The following HEXB variants were observed in gnomAD, a reference collection of about 807,000 sequenced individuals.
HEXB encodes the protein hexosaminidase subunit beta, also known as beta-hexosaminidase subunit beta.
HEXB carries 51 observed loss-of-function variants against 71.2 expected under a neutral mutation model. The ratio of observed to expected loss-of-function variants is 0.72; its 90% confidence interval spans 0.57 to 0.90. The LOEUF is 0.90. HEXB is among the 40% of genes least tolerant of loss of function. The pLI is 0.00. For synonymous variants in HEXB, 266 were observed against 249.3 expected, an observed-to-expected ratio of 1.07 and a Z score of -0.63; for missense variants, 617 against 677.0, an observed-to-expected ratio of 0.91 and a Z score of 0.98.
Position 74,687,855 on chromosome 5 carries a change from A to G in HEXB, c.300-1473A>G, listed in dbSNP as rs535667446. 3.3e-5 allele frequency among the ~76,000 whole-genome samples: 5 copies of G among 152,284 alleles called. No homozygotes were observed. The South Asian group carries it at 6.2e-4, about 19-fold the overall frequency. Reference sequence around the variant, plus strand: ...TTCTCTCATTGGTTAACTTCCATACACTTCCAAACATGTCAGAATTTTCCG... The same window carrying G: ...TTCTCTCATTGGTTAACTTCCATACGCTTCCAAACATGTCAGAATTTTCCG... On this transcript the variant is annotated intron_variant, in intron 1 of 13. Coordinates refer to ENST00000261416, the MANE Select transcript of HEXB (RefSeq NM_000521.4).
Position 74,664,430 on chromosome 5 carries a change from T to TAA in HEXB, c.-377+23894_-377+23895dup, listed in dbSNP as rs397998152. 1.8e-3 allele frequency among the ~76,000 whole-genome samples: 145 copies of TAA among 79,494 alleles called. 2 individuals carry two copies. The highest frequency in any genetic ancestry group is 4.0e-3 in the African/African-American group (86 of 21,474). The allele number at this position is 79,494 out of a possible 152,430, so 52.2% of individuals were successfully genotyped here. On this transcript the variant is annotated intron_variant, in intron 1 of 13. Coordinates refer to the HEXB transcript ENST00000511181. ...GGGCAATAGAGCAAGATTCTATCTC[T>TAA]AAAAAAAAAAAAAAAAAAAAAAACA...
Position 74,661,551 on chromosome 5 carries a change from G to A in HEXB, c.-377+20993G>A, listed in dbSNP as rs373842021. Among the ~76,000 whole-genome samples, 15 of 63,634 alleles carry A rather than the reference G, an allele frequency of 2.4e-4. No individual in the cohort carries two copies. In the East Asian group the frequency reaches 2.8e-3, roughly 12 times the overall value. 41.7% of individuals were successfully genotyped at this position (63,634 alleles called of 152,430 possible). On this transcript the variant is annotated intron_variant, in intron 1 of 13. Transcript: ENST00000511181. Reference sequence around the variant, plus strand: ...TGTGTGTGTGTGTGTGTGTGTGTGTGTGTGTGTGTGTGTCTCTCTCTCTCT... The same window carrying A: ...TGTGTGTGTGTGTGTGTGTGTGTGTATGTGTGTGTGTGTCTCTCTCTCTCT...
At chr5:74,660,536 C>A (rs1488121393) in intron 1 of HEXB, among the ~76,000 whole-genome samples, 1 of 152,170 alleles carries the variant, frequency 6.6e-6, no homozygotes, top group Non-Finnish European at 1.5e-5. Context: ...GTCACAGGGA[C>A]ACCAGCCATA....
At chr5:74,701,381 A>G (rs1580386325) in intron 5 of HEXB, among the ~76,000 whole-genome samples, 1 of 152,194 alleles carries the variant, frequency 6.6e-6, no homozygotes, top group African/African-American at 2.4e-5. Context: ...TATCAAACCT[A>G]TTAGGTATTT....
chr5:74,719,897 C>T (rs192539718), intron 11 of HEXB: 248 of 157,082 alleles, frequency 1.6e-3, no homozygotes, highest in African/African-American at 5.5e-3. Context: ...GCCAAGATCG[C>T]GCCACTGCAC....
In HEXB at chr5:74,689,354, A is replaced by G. The variant is rs1192720761; in HGVS notation, c.326A>G (p.Tyr109Cys). ...RRYHGYIFGF[Y>C]KWHHEPAEFQ... ...TATCATGGCTATATTTTTGGTTTCT[A>G]CAAGTGGCATCATGAACCTGCTGAA... Residue 109 changes from tyrosine (Y) to cysteine (C), a missense_variant, in exon 2 of 14, where the codon TAC becomes TGC. Physicochemically the swap from Tyr to Cys is radical, Grantham distance 194. Transcript: ENST00000261416. The G allele has an allele frequency of 7.4e-6, 12 of 1,613,248 alleles. No homozygotes were observed. The highest frequency in any genetic ancestry group is 1.0e-5 in the Non-Finnish European group (12 of 1,179,282).
intron 5 of HEXB, among the ~76,000 whole-genome samples, chr5:74,697,524 G>A (rs1003928227): frequency 1.3e-5 from 2 of 151,948 alleles, no homozygotes; most frequent in African/African-American, 4.8e-5. Context: ...TCAGGAGTTC[G>A]AGACCAGCCT....
At chr5:74,665,375 G>A (rs941231334) in intron 1 of HEXB, among the ~76,000 whole-genome samples, 15 of 151,774 alleles carry the variant, frequency 9.9e-5, no homozygotes, top group African/African-American at 3.6e-4. Context: ...AATACATATG[G>A]ATATCTATAC....
At chr5:74,698,837 C>T (rs1350306780) in intron 5 of HEXB, among the ~76,000 whole-genome samples, 3 of 152,008 alleles carry the variant, frequency 2.0e-5, no homozygotes, top group East Asian at 1.9e-4. Flanking sequence ...ATTTCATTTG[C>T]CAAAGATTGA....
chr5:74,718,734 A>T, intron 10 of HEXB, 63 bp from the exon 11 acceptor site: 1 of 1,500,180 alleles, frequency 6.7e-7, no homozygotes, highest in Non-Finnish European at 9.3e-7. Context: ...AATGCCTTAA[A>T]CTTTCAATTT....
At chr5:74,720,806 T>A (rs1277299567) in intron 13 of HEXB, 59 bp downstream of exon 13, 7 of 1,336,044 alleles carry the variant, frequency 5.2e-6, no homozygotes, top group East Asian at 2.3e-5. Context: ...GTTAGTTTCT[T>A]TTGCTATAAA....
rs1561228985 is a variant in HEXB, at chr5:74,720,433, C to G, written c.1423C>G (p.Gln475Glu). Residue 475 changes from glutamine (Q) to glutamate (E), a missense_variant, in exon 12 of 14, where the codon CAG becomes GAG. Gln to Glu is a conservative substitution (Grantham distance 29, BLOSUM62 2). Transcript: ENST00000261416. ...KVEPLDFGGT[Q>E]KQKQLFIGGE... is the part of the protein sequence containing the mutation. ...ATTCAATGATTTTAATTTAGGTACT[C>G]AGAAACAGAAACAACTTTTCATTGG... 6.2e-7 allele frequency: 1 copy of G among 1,606,688 alleles called. No individual in the cohort carries two copies. Among genetic ancestry groups the G allele is most frequent in the Admixed American group, 1.7e-5 (1 of 60,008 alleles).
chr5:74,685,009 C>A, upstream of HEXB: 1 of 496,820 alleles, frequency 2.0e-6, no homozygotes, highest in Non-Finnish European at 3.5e-6. Flanking sequence ...TTAGCCATCC[C>A]GTGTTTGAGG....
At chr5:74,668,886 A>G (rs1023281797) in intron 1 of HEXB, among the ~76,000 whole-genome samples, 6 of 152,150 alleles carry the variant, frequency 3.9e-5, no homozygotes, top group Non-Finnish European at 7.4e-5. Flanking sequence ...AAACAATTGC[A>G]TTTCCTTATT....
intron 11 of HEXB, 69 bp from the exon 12 acceptor site, chr5:74,720,359 T>G: frequency 1.7e-6 from 2 of 1,165,426 alleles, no homozygotes; most frequent in Non-Finnish European, 2.6e-6. Flanking sequence ...AGGAAACAAA[T>G]CTTGATGAAA....
At chr5:74,710,878 C>T (rs1167060946) in intron 6 of HEXB, among the ~76,000 whole-genome samples, 2 of 152,096 alleles carry the variant, frequency 1.3e-5, no homozygotes, top group African/African-American at 4.8e-5. Context: ...TTTATAGATT[C>T]AATGCCATCC....
intron 1 of HEXB, among the ~76,000 whole-genome samples, chr5:74,662,858 G>A (rs1748353043): frequency 6.6e-6 from 1 of 152,120 alleles, no homozygotes; most frequent in Non-Finnish European, 1.5e-5. Flanking sequence ...TTTTACTGCT[G>A]AGGAAACAAA....
chr5:74,646,365 G>A (rs1580356382), intron 1 of HEXB, among the ~76,000 whole-genome samples: 1 of 152,048 alleles, frequency 6.6e-6, no homozygotes, highest in Admixed American at 6.6e-5. Flanking sequence ...GGACACACTG[G>A]TGTCTTGAAT....
chr5:74,666,020 A>G (rs1179886371), intron 1 of HEXB, among the ~76,000 whole-genome samples: 4 of 152,254 alleles, frequency 2.6e-5, no homozygotes, highest in African/African-American at 4.8e-5. Context: ...AATGCATTAT[A>G]CAGAGTTGTA....
Sources: gnomAD v4.1 joint callset for allele counts (sites outside exome capture counted in the v4.1 genomes callset) on GRCh38, gnomAD v4.1.1 for gene constraint, MANE v1.5 for transcripts, NCBI Gene and HGNC (gene_info 2026-07-23, HGNC 2026-07-21) for gene names.